ARFGEF1: variants seen among roughly 807,000 people sequenced by gnomAD.
ARFGEF1 encodes brefeldin A-inhibited guanine nucleotide-exchange protein 1.
ARFGEF1 carries 42 observed loss-of-function variants against 231.0 expected under a neutral mutation model. The observed-to-expected ratio is 0.18, with a 90% CI of 0.14 to 0.24. The LOEUF is 0.24. Among genes scored for constraint, ARFGEF1 ranks in the 10% least tolerant of loss-of-function variants. The probability of loss-of-function intolerance (pLI) is 1.00; values close to 1 mark genes in which losing one functional copy is unlikely to be tolerated. For synonymous variants in ARFGEF1, 710 were observed against 732.3 expected, an observed-to-expected ratio of 0.97 and a Z score of 0.49; for missense variants, 1,345 against 2,192.0, an observed-to-expected ratio of 0.61 and a Z score of 7.72.
chr8:67,281,274 CAG>C (rs1165500976), intron 7 of ARFGEF1, among the ~76,000 whole-genome samples: 1 of 151,752 alleles, frequency 6.6e-6, no homozygotes, highest in African/African-American at 2.4e-5. Flanking sequence ...TGGAAAAGAA[CAG>C]AAAGGATGAA....
intron 19 of ARFGEF1, among the ~76,000 whole-genome samples, chr8:67,250,468 T>C (rs553146639): frequency 1.3e-5 from 2 of 152,224 alleles, no homozygotes; most frequent in Non-Finnish European, 2.9e-5. Context: ...TGATTCTTCA[T>C]CAACGTTTAG....
rs1838493325 is a variant in ARFGEF1, at chr8:67,205,861, A to AAATAAAT, written c.4820-1043_4820-1042insATTTATT. 2.7e-5 allele frequency among the ~76,000 whole-genome samples: 4 copies of AAATAAAT among 150,240 alleles called. No individual in the cohort carries two copies. The South Asian group carries it at 8.3e-4, about 31-fold the overall frequency. ...CAAGAGAGAGAGACTCCGTCTCAAAAAAATAAATAAATAAATAAATAAATA... is the reference window on the plus strand; with the variant it reads ...CAAGAGAGAGAGACTCCGTCTCAAAAAATAAATAAATAAATAAATAAATAAATAAATA... On this transcript the variant is annotated intron_variant, in intron 34 of 38. Coordinates refer to ENST00000262215, the MANE Select transcript of ARFGEF1 (RefSeq NM_006421.5).
chr8:67,326,623 T>C (rs1031226166), intron 1 of ARFGEF1, among the ~76,000 whole-genome samples: 3 of 152,228 alleles, frequency 2.0e-5, no homozygotes, highest in Non-Finnish European at 4.4e-5. Context: ...ATATAATACT[T>C]AAGATTACCA....
At chr8:67,191,106 T>C (rs1209158685) in intron 5 of ARFGEF1, among the ~76,000 whole-genome samples, 4 of 152,208 alleles carry the variant, frequency 2.6e-5, no homozygotes, top group Non-Finnish European at 5.9e-5. Context: ...TTCTGTGATA[T>C]AGGCATCACC....
intron 1 of ARFGEF1, among the ~76,000 whole-genome samples, chr8:67,324,262 C>CT (rs1807727509): frequency 6.6e-6 from 1 of 152,190 alleles, no homozygotes; most frequent in South Asian, 2.1e-4. Context: ...CCACTGCACT[C>CT]TAGCTTGGCA....
intron 9 of ARFGEF1, among the ~76,000 whole-genome samples, chr8:67,274,619 T>G (rs1372333851): frequency 1.3e-5 from 2 of 152,116 alleles, no homozygotes; most frequent in Non-Finnish European, 2.9e-5. Context: ...TCATATTATT[T>G]TCCTTTGTGT....
chr8:67,201,114 A>C (rs1011914202), intron 37 of ARFGEF1, among the ~76,000 whole-genome samples: 2 of 152,276 alleles, frequency 1.3e-5, no homozygotes, highest in Non-Finnish European at 2.9e-5. Flanking sequence ...AACGCTAAGA[A>C]AAACTCCAAA....
At chr8:67,260,023 A>C in intron 14 of ARFGEF1, 97 bp from the exon 15 acceptor site, 1 of 684,628 alleles carries the variant, frequency 1.5e-6, no homozygotes, top group Non-Finnish European at 2.5e-6. Context: ...GCACCCAGAA[A>C]ATAGTAGCTT....
chr8:67,270,972 C>T (rs570055681), intron 10 of ARFGEF1, among the ~76,000 whole-genome samples: 36 of 134,250 alleles, frequency 2.7e-4, no homozygotes, highest in African/African-American at 9.0e-4. Context: ...TGTGCTGAGT[C>T]GGAATCGCAC....
At chr8:67,337,207 A>G (rs1318421387) in intron 1 of ARFGEF1, among the ~76,000 whole-genome samples, 1 of 151,934 alleles carries the variant, frequency 6.6e-6, no homozygotes, top group African/African-American at 2.4e-5. Context: ...ATATCCTATT[A>G]TATCATCTGA....
chr8:67,186,155 G>GT (rs1834522263), intron 5 of ARFGEF1, among the ~76,000 whole-genome samples: 1 of 152,274 alleles, frequency 6.6e-6, no homozygotes, highest in African/African-American at 2.4e-5. Context: ...TTTCATTTCT[G>GT]TAACAGTTGA....
At chr8:67,199,846 A>G (rs192377468) in intron 38 of ARFGEF1, 1 of 175,034 alleles carries the variant, frequency 5.7e-6, no homozygotes, top group Non-Finnish European at 1.3e-5. Flanking sequence ...AATAGAGTGT[A>G]CATTTTTGAA....
At chr8:67,299,412 T>A in intron 3 of ARFGEF1, 57 bp from the exon 4 acceptor site, 2 of 1,415,966 alleles carry the variant, frequency 1.4e-6, no homozygotes, top group South Asian at 1.3e-5. Flanking sequence ...TTATACATAC[T>A]AATGCAATAT....
At chr8:67,294,054 A>C (rs1806123877) in intron 5 of ARFGEF1, among the ~76,000 whole-genome samples, 2 of 152,164 alleles carry the variant, frequency 1.3e-5, no homozygotes, top group South Asian at 4.1e-4. Flanking sequence ...TGTACTGAAC[A>C]AACATGTACA....
intron 22 of ARFGEF1, 105 bp from the exon 23 acceptor site, chr8:67,233,050 A>T (rs1365714671): frequency 1.1e-6 from 1 of 926,382 alleles, no homozygotes; most frequent in African/African-American, 1.7e-5. Flanking sequence ...CTTTCCTAAT[A>T]ACAGAATGCT....
intron 5 of ARFGEF1, among the ~76,000 whole-genome samples, chr8:67,190,487 CTG>C (rs1419511634): frequency 2.0e-5 from 3 of 152,070 alleles, no homozygotes; most frequent in African/African-American, 7.2e-5. Context: ...TTGTACAACT[CTG>C]TAAATTTACT....
intron 1 of ARFGEF1, among the ~76,000 whole-genome samples, chr8:67,310,356 C>T (rs914869700): frequency 2.0e-5 from 3 of 152,296 alleles, no homozygotes; most frequent in Non-Finnish European, 2.9e-5. Flanking sequence ...GCCTCAGCCT[C>T]CCGAGGTGCC....
rs746288257 is a variant in ARFGEF1 at position 67,240,151 on chromosome 8, T to C, written c.2979+11A>G. 2.1e-5 allele frequency: 34 copies of C among 1,606,106 alleles called. No homozygotes were observed. In the African/African-American group the frequency reaches 4.4e-4, roughly 21 times the overall value. ...TTCCAAACTGGCTACAAAGACAAAA[T>C]TCTCTGTTACCTGAATGCTGAAAAT... On this transcript the variant is annotated intron_variant, in intron 20 of 38. Transcript: ENST00000262215.
chr8:67,206,032 T>C (rs1300579443), intron 34 of ARFGEF1, among the ~76,000 whole-genome samples: 1 of 152,078 alleles, frequency 6.6e-6, no homozygotes. Flanking sequence ...CCACAGCACA[T>C]GTTTTATTTG....
Sources: gnomAD v4.1 joint callset for allele counts (sites outside exome capture counted in the v4.1 genomes callset) on GRCh38, gnomAD v4.1.1 for gene constraint, MANE v1.5 for transcripts, NCBI Gene and HGNC (gene_info 2026-07-23, HGNC 2026-07-21) for gene names.